The following ESRRB variants were observed in gnomAD, a reference collection of about 807,000 sequenced individuals.
ESRRB encodes estrogen related receptor beta, also known as steroid hormone receptor ERR2.
Under a neutral mutation model 46.0 loss-of-function variants are expected in ESRRB, and 16 were observed. The ratio of observed to expected loss-of-function variants is 0.35; its 90% confidence interval spans 0.24 to 0.53. The LOEUF is 0.53. Ranked by LOEUF, ESRRB falls within the 20% of genes least tolerant of loss-of-function variation. ESRRB has a pLI of 0.93. For synonymous variants in ESRRB, 246 were observed against 259.6 expected (o/e 0.95, Z 0.50); for missense variants, 488 against 607.4 (o/e 0.80, Z 2.07).
At chr14:76,357,754 G>T (rs1405321402) in intron 1 of ESRRB, among the ~76,000 whole-genome samples, 5 of 152,172 alleles carry the variant, frequency 3.3e-5, no homozygotes, top group African/African-American at 9.7e-5. Flanking sequence ...GGTCTCAGGT[G>T]ATCCTCTCAC....
Position 76,482,158 on chromosome 14 carries a change from C to A in ESRRB, c.688+32C>A. 2 of 1,508,044 alleles carry A rather than the reference C, an allele frequency of 1.3e-6. No individual in the cohort carries two copies. The highest frequency in any genetic ancestry group is 9.2e-7 in the Non-Finnish European group (1 of 1,083,712). 93.4% of individuals were successfully genotyped at this position (1,508,044 alleles called of 1,614,324 possible). ...GTCAGGGCAGTCCCTGCCCCTTTTG[C>A]CAGCATCTGTACCTGGAACATCAGG... On this transcript the variant is annotated intron_variant, in intron 4 of 6. Coordinates refer to ENST00000644823, the MANE Select transcript of ESRRB (RefSeq NM_001379180.1). The surrounding 1 kb of genome is among the most constrained non-coding windows in gnomAD (Gnocchi z 4.3).
At chr14:76,431,502 C>G (rs1415999620) in intron 1 of ESRRB, among the ~76,000 whole-genome samples, 1 of 152,188 alleles carries the variant, frequency 6.6e-6, no homozygotes, top group African/African-American at 2.4e-5. Flanking sequence ...GGAAGAGCCC[C>G]CCAGCAAGCT....
At chr14:76,428,240 C>T (rs1461278043) in intron 1 of ESRRB, among the ~76,000 whole-genome samples, 4 of 152,178 alleles carry the variant, frequency 2.6e-5, no homozygotes, top group East Asian at 1.9e-4. Context: ...TCAGGTGATC[C>T]GCCCACCTTG....
In ESRRB at chr14:76,376,324, C is replaced by T. The variant is rs1241285583; in HGVS notation, c.-78C>T. The T allele has an allele frequency of 1.3e-5, 14 of 1,117,734 alleles. No homozygotes were observed. The highest frequency in any genetic ancestry group is 6.4e-5 in the East Asian group (2 of 31,136). 69.2% of individuals were successfully genotyped at this position (1,117,734 alleles called of 1,614,324 possible). A position where few individuals can be genotyped will look rare whatever the true frequency, so the allele number is the denominator to read the frequency against. On this transcript the variant is annotated 5_prime_UTR_variant, in exon 1 of 7. Coordinates refer to ENST00000644823, the MANE Select transcript of ESRRB (RefSeq NM_001379180.1). The surrounding 1 kb of genome is among the most constrained non-coding windows in gnomAD (Gnocchi z 4.1). ...GTGCCCTGCCCGGGCTCGCACCTTG[C>T]CCGTGCCCTTCACTCGCTCTTCCGC...
chr14:76,400,684 CTG>C lies in ESRRB; in HGVS notation c.50+24234_50+24235del, dbSNP rs1885903174. On this transcript the variant is annotated intron_variant, in intron 1 of 6. Coordinates refer to ENST00000644823, the MANE Select transcript of ESRRB (RefSeq NM_001379180.1). ...GAACCACTGGCCTAGAACCCAGAAA[CTG>C]GAAACTAGCTGTCCTCAAGCTGGGC... 3.3e-5 allele frequency among the ~76,000 whole-genome samples: 5 copies of C among 152,168 alleles called. No homozygotes were observed. The South Asian group carries it at 1.0e-3, about 32-fold the overall frequency.
chr14:76,386,595 T>C (rs184387723), intron 1 of ESRRB, among the ~76,000 whole-genome samples: 173 of 151,920 alleles, frequency 1.1e-3, no homozygotes, highest in African/African-American at 3.8e-3. Flanking sequence ...TAGCTGGGAC[T>C]ACAGGTGTGT....
chr14:76,355,426 C>T (rs1003929873), intron 1 of ESRRB, among the ~76,000 whole-genome samples: 1 of 152,182 alleles, frequency 6.6e-6, no homozygotes. Context: ...CTCACCACTC[C>T]CTCTTGGGCC....
intron 1 of ESRRB, among the ~76,000 whole-genome samples, chr14:76,340,782 G>A (rs1448243526): frequency 6.6e-6 from 1 of 152,168 alleles, no homozygotes. Context: ...TTGTAGACAA[G>A]GCACAATGCA....
chr14:76,447,489 T>C (rs899635825), intron 2 of ESRRB, among the ~76,000 whole-genome samples: 6 of 152,146 alleles, frequency 3.9e-5, no homozygotes, highest in African/African-American at 1.4e-4. Context: ...GCTAATTCCA[T>C]AGGTCTTGCT....
chr14:76,360,261 C>G (rs1207216441), intron 1 of ESRRB, among the ~76,000 whole-genome samples: 1 of 152,150 alleles, frequency 6.6e-6, no homozygotes, highest in Non-Finnish European at 1.5e-5. Context: ...GTGGGCACAT[C>G]CTGGTACAGC....
chr14:76,438,782 C>T (rs1887781099), intron 1 of ESRRB, among the ~76,000 whole-genome samples: 1 of 151,994 alleles, frequency 6.6e-6, no homozygotes, highest in Admixed American at 6.6e-5. Flanking sequence ...TTGCAAAGCA[C>T]TAGGGTGCCT....
intron 1 of ESRRB, among the ~76,000 whole-genome samples, chr14:76,423,142 CTT>C (rs397853103): frequency 1.2e-3 from 133 of 112,778 alleles, no homozygotes; most frequent in Middle Eastern, 5.7e-3. Context: ...CTTTCATAAC[CTT>C]TTTTTTTTTT....
chr14:76,448,845 A>G (rs1365139482), intron 2 of ESRRB, among the ~76,000 whole-genome samples: 1 of 150,102 alleles, frequency 6.7e-6, no homozygotes, highest in Non-Finnish European at 1.5e-5. Context: ...TTATAACAAT[A>G]TATTATTTAG....
intron 1 of ESRRB, among the ~76,000 whole-genome samples, chr14:76,363,285 A>C (rs1443724423): frequency 6.6e-6 from 1 of 152,136 alleles, no homozygotes; most frequent in Non-Finnish European, 1.5e-5. Flanking sequence ...GGACCTCCTA[A>C]TTTCTTGGGT....
intron 1 of ESRRB, among the ~76,000 whole-genome samples, chr14:76,358,407 G>GA (rs111823407): frequency 7.8e-6 from 1 of 128,116 alleles, no homozygotes; most frequent in African/African-American, 3.1e-5. Context: ...AAGAAAGAAA[G>GA]AAAGAAAAGA....
At chr14:76,407,455 A>ATCTGGCCCCACTC (rs1886240226) in intron 1 of ESRRB, 1 of 829,116 alleles carries the variant, frequency 1.2e-6, no homozygotes, top group Non-Finnish European at 1.5e-6. Flanking sequence ...CCACCAGGCT[A>ATCTGGCCCCACTC]AATCCTCTGA....
In ESRRB at chr14:76,466,141, T is replaced by C. The variant is rs185197832; in HGVS notation, c.577+3480T>C. ...AACTTCACCTTCCCCAGGGCTGCTC[T>C]CCGCTTTAGGGTCCCATAGTGGGCC... On this transcript the variant is annotated intron_variant, in intron 3 of 6. Coordinates refer to ENST00000644823, the MANE Select transcript of ESRRB (RefSeq NM_001379180.1). Among the ~76,000 whole-genome samples the C allele has an allele frequency of 2.5e-3, 378 of 150,988 alleles. 1 individual carries two copies. The highest frequency in any genetic ancestry group is 8.8e-3 in the African/African-American group (366 of 41,382).
At chr14:76,319,700 C>T (rs998948969) in intron 1 of ESRRB, among the ~76,000 whole-genome samples, 6 of 152,114 alleles carry the variant, frequency 3.9e-5, no homozygotes, top group South Asian at 2.1e-4. Context: ...TATGAGTCCC[C>T]GCAAGTTCAA....
At chr14:76,316,358 A>C (rs1037818204) in intron 1 of ESRRB, among the ~76,000 whole-genome samples, 1 of 152,210 alleles carries the variant, frequency 6.6e-6, no homozygotes, top group African/African-American at 2.4e-5. Context: ...TATGAATCCC[A>C]GTGCCATCCA....
Sources: gnomAD v4.1 joint callset for allele counts (sites outside exome capture counted in the v4.1 genomes callset) on GRCh38, gnomAD v4.1.1 for gene constraint, Gnocchi (gnomAD v3.1) non-coding constraint, MANE v1.5 for transcripts, NCBI Gene and HGNC (gene_info 2026-07-23, HGNC 2026-07-21) for gene names.